The following GLI3 variants were observed in gnomAD, a reference collection of about 807,000 sequenced individuals.
GLI3 encodes the protein GLI family zinc finger 3.
GLI3 carries 20 observed loss-of-function variants against 100.8 expected under a neutral mutation model. The observed-to-expected ratio is 0.20, with a 90% CI of 0.14 to 0.29. The LOEUF (loss-of-function observed/expected upper bound fraction) is 0.29, where lower values mean the gene tolerates loss of function less well. GLI3 is among the 10% of genes least tolerant of loss of function. The probability of loss-of-function intolerance (pLI) is 1.00; values close to 1 mark genes in which losing one functional copy is unlikely to be tolerated. For synonymous variants in GLI3, 938 were observed against 860.5 expected, an observed-to-expected ratio of 1.09 and a Z score of -1.58; for missense variants, 2,040 against 2,128.5, an observed-to-expected ratio of 0.96 and a Z score of 0.82.
At chr7:42,091,202 C>T (rs1785210142) in intron 3 of GLI3, among the ~76,000 whole-genome samples, 1 of 152,240 alleles carries the variant, frequency 6.6e-6, no homozygotes, top group African/African-American at 2.4e-5. Flanking sequence ...CCTGTATTTC[C>T]CACAAAAGTA....
Position 42,126,056 on chromosome 7 carries a change from TGA to T in GLI3, c.367+22168_367+22169del, listed in dbSNP as rs146281614. Among the ~76,000 whole-genome samples, 1,162 of 152,092 alleles carry T rather than the reference TGA, an allele frequency of 7.6e-3. 14 individuals carry two copies. Among genetic ancestry groups the T allele is most frequent in the African/African-American group, 0.025 (1,054 of 41,510 alleles). The stretch of plus-strand genomic sequence containing the variant: ...CTTAAAAGGAATTTTTTTAAAAAAA[TGA>T]GAGAGAAAAATATTTAAAACACACA... On this transcript the variant is annotated intron_variant, in intron 3 of 14. Coordinates refer to ENST00000395925, the MANE Select transcript of GLI3 (RefSeq NM_000168.6).
intron 3 of GLI3, among the ~76,000 whole-genome samples, chr7:42,118,806 C>T (rs139197098): frequency 0.01 from 1,528 of 152,346 alleles, 22 homozygotes; most frequent in African/African-American, 0.034. Flanking sequence ...GCTGTCACCA[C>T]TGTTTAAGAG....
chr7:42,184,984 C>T (rs1364802640), intron 2 of GLI3, among the ~76,000 whole-genome samples: 2 of 152,120 alleles, frequency 1.3e-5, no homozygotes, highest in Admixed American at 6.5e-5. Flanking sequence ...ATCCTGCACA[C>T]AAAACTCTAT....
chr7:42,001,313 G>A (rs940736094), intron 10 of GLI3, among the ~76,000 whole-genome samples: 1 of 149,808 alleles, frequency 6.7e-6, no homozygotes, highest in Admixed American at 6.6e-5. Flanking sequence ...GAAAGCACAA[G>A]TTAACATAAT....
chr7:42,132,257 C>CGCCTGCCCGTCACCAT (rs1233695403), intron 3 of GLI3, among the ~76,000 whole-genome samples: 1 of 151,356 alleles, frequency 6.6e-6, no homozygotes, highest in African/African-American at 2.4e-5. Context: ...CCCGCCACTA[C>CGCCTGCCCGTCACCAT]GCCCGGCTAA....
intron 10 of GLI3, among the ~76,000 whole-genome samples, chr7:41,998,834 C>A (rs753457075): frequency 6.6e-6 from 1 of 152,200 alleles, no homozygotes; most frequent in Admixed American, 6.5e-5. Context: ...TAAACTAACA[C>A]CTGCAATTAT....
At chr7:42,253,433 C>T (rs1789053942) in intron 1 of GLI3, among the ~76,000 whole-genome samples, 2 of 152,204 alleles carry the variant, frequency 1.3e-5, no homozygotes, top group Admixed American at 6.5e-5. Context: ...CCTGCTGTGC[C>T]ACCCTTTGAG....
At chr7:42,056,054 G>A (rs1784453645) in intron 4 of GLI3, among the ~76,000 whole-genome samples, 1 of 152,150 alleles carries the variant, frequency 6.6e-6, no homozygotes, top group South Asian at 2.1e-4. Context: ...CCTCTTGTCT[G>A]CCACCATGTG....
intron 1 of GLI3, among the ~76,000 whole-genome samples, chr7:42,229,772 A>G (rs527992137): frequency 8.6e-5 from 13 of 152,042 alleles, no homozygotes; most frequent in Non-Finnish European, 1.5e-4. Context: ...TTAGAAAGAG[A>G]ATTTTTTTTT....
At chr7:42,134,932 C>A (rs1159180079) in intron 3 of GLI3, among the ~76,000 whole-genome samples, 3 of 152,022 alleles carry the variant, frequency 2.0e-5, no homozygotes, top group Non-Finnish European at 4.4e-5. Context: ...GTGAATTTCT[C>A]AGAGTCCATA....
At chr7:42,137,845 C>A (rs1786466069) in intron 3 of GLI3, among the ~76,000 whole-genome samples, 1 of 152,170 alleles carries the variant, frequency 6.6e-6, no homozygotes, top group African/African-American at 2.4e-5. Flanking sequence ...ATAAAATCGC[C>A]TTAAGACTGT....
chr7:42,089,139 A>G (rs1261150682), intron 3 of GLI3, among the ~76,000 whole-genome samples: 2 of 152,188 alleles, frequency 1.3e-5, no homozygotes, highest in Admixed American at 6.5e-5. Context: ...TGGAGTCTGC[A>G]TCTATACCTT....
At chr7:42,204,482 T>C (rs1426539896) in intron 2 of GLI3, among the ~76,000 whole-genome samples, 1 of 152,210 alleles carries the variant, frequency 6.6e-6, no homozygotes, top group Non-Finnish European at 1.5e-5. Flanking sequence ...ACTTAATAAG[T>C]GTACTGAATT....
Position 42,181,618 on chromosome 7 carries a change from A to G in GLI3, c.125-33150T>C, listed in dbSNP as rs1210272731. 4.6e-5 allele frequency among the ~76,000 whole-genome samples: 7 copies of G among 152,278 alleles called. No individual in the cohort carries two copies. In the East Asian group the frequency reaches 1.2e-3, roughly 25 times the overall value. ...AGACCCCATCTCAACAACAAACAAA[A>G]AAACAACAAAAACAAAAACAAAAAC... On this transcript the variant is annotated intron_variant, in intron 2 of 14. Coordinates refer to ENST00000395925, the MANE Select transcript of GLI3 (RefSeq NM_000168.6).
chr7:42,202,524 T>C (rs1266253199), intron 2 of GLI3, among the ~76,000 whole-genome samples: 1 of 152,202 alleles, frequency 6.6e-6, no homozygotes, highest in African/African-American at 2.4e-5. Flanking sequence ...GTATTCATTT[T>C]ATGTCAATGA....
At chr7:42,174,080 G>GAA in intron 2 of GLI3, among the ~76,000 whole-genome samples, 1 of 152,096 alleles carries the variant, frequency 6.6e-6, no homozygotes, top group African/African-American at 2.4e-5. Flanking sequence ...ATGCAGCATG[G>GAA]TTTCAAGTAT....
rs114825776 is a variant in GLI3, at chr7:42,041,104, C to A, written c.827-865G>T. ...CAGATTTTCCAAGGCAGAGGAGAAA[C>A]CCTTACGAGCATGATAACGAGGTAC... is the stretch of plus-strand genomic sequence containing the variant. On this transcript the variant is annotated intron_variant, in intron 6 of 14. Coordinates refer to ENST00000395925, the MANE Select transcript of GLI3 (RefSeq NM_000168.6). Among the ~76,000 whole-genome samples, 603 of 152,298 alleles carry A rather than the reference C, an allele frequency of 4.0e-3. 2 individuals are homozygous for A. The highest frequency in any genetic ancestry group is 0.014 in the African/African-American group (562 of 41,532).
Position 42,236,996 on chromosome 7 carries a change from C to G in GLI3, c.-68G>C, listed in dbSNP as rs113629469. The G allele has an allele frequency of 8.6e-5, 13 of 151,524 alleles. No individual in the cohort carries two copies. The highest frequency in any genetic ancestry group is 1.6e-4 in the Non-Finnish European group (11 of 67,862). The allele number at this position is 151,524 out of a possible 1,614,324, so 9.4% of individuals were successfully genotyped here. A position where few individuals can be genotyped will look rare whatever the true frequency, so the allele number is the denominator to read the frequency against. On this transcript the variant is annotated 5_prime_UTR_variant, in exon 1 of 15. Transcript: ENST00000395925. The stretch of plus-strand genomic sequence containing the variant: ...CTGCGGCGGCAGCGGCTGTCAAGTC[C>G]CCGAACTTCCCATAGACCCGCGGAC...
rs1475048654 is a variant in GLI3 at position 41,984,335 on chromosome 7, A to G, written c.1498-5587T>C. Reference sequence around the variant, plus strand: ...AGGACACATGCAGTCCATGGCTCGCAGCTCTCCAAATAAAGCCGCCGTTCA... The same window carrying G: ...AGGACACATGCAGTCCATGGCTCGCGGCTCTCCAAATAAAGCCGCCGTTCA... On this transcript the variant is annotated intron_variant, in intron 10 of 14. Transcript: ENST00000395925. 2.0e-5 allele frequency among the ~76,000 whole-genome samples: 3 copies of G among 152,266 alleles called. No individual in the cohort carries two copies. In the East Asian group the frequency reaches 5.8e-4, roughly 29 times the overall value.
Sources: gnomAD v4.1 joint callset for allele counts (sites outside exome capture counted in the v4.1 genomes callset) on GRCh38, gnomAD v4.1.1 for gene constraint, MANE v1.5 for transcripts, NCBI Gene and HGNC (gene_info 2026-07-23, HGNC 2026-07-21) for gene names.